The following SMIM10L3 variants were observed in gnomAD, a reference collection of about 807,000 sequenced individuals.
SMIM10L3 encodes the protein small integral membrane protein 10 like 3, also known as salivary gland specific protein SAGSIN1.
the SMIM10L3 span, among the ~76,000 whole-genome samples, chr7:6,343,691 C>G: frequency 6.6e-6 from 1 of 151,962 alleles, no homozygotes; most frequent in African/African-American, 2.4e-5. Context: ...CATAACCATT[C>G]TCAGTATACA....
the SMIM10L3 span, among the ~76,000 whole-genome samples, chr7:6,339,285 C>G: frequency 3.3e-5 from 5 of 151,946 alleles, no homozygotes; most frequent in Non-Finnish European, 7.4e-5. Flanking sequence ...CTGAGCAACA[C>G]AGCAAGACCC....
At chr7:6,338,889 G>A in the SMIM10L3 span, among the ~76,000 whole-genome samples, 3 of 152,194 alleles carry the variant, frequency 2.0e-5, no homozygotes, top group Non-Finnish European at 4.4e-5. Flanking sequence ...CAGCAGGGCC[G>A]CGGTGGGCCT....
chr7:6,330,025 A>G, the SMIM10L3 span: 1 of 257,836 alleles, frequency 3.9e-6, no homozygotes, highest in African/African-American at 2.3e-5. Context: ...AGACAAGTCA[A>G]AAGGACACAC....
the SMIM10L3 span, among the ~76,000 whole-genome samples, chr7:6,339,380 AT>A: frequency 6.6e-6 from 1 of 152,114 alleles, no homozygotes; most frequent in Non-Finnish European, 1.5e-5. Context: ...AGGTGGGAGG[AT>A]CGTTTGAGCC....
the SMIM10L3 span, chr7:6,331,044 G>A: frequency 6.2e-7 from 1 of 1,613,920 alleles, no homozygotes; most frequent in East Asian, 2.2e-5. Context: ...CAGGCCAAGG[G>A]CCCTCCGGCA....
chr7:6,331,299 C>T, the SMIM10L3 span: 3 of 730,122 alleles, frequency 4.1e-6, no homozygotes, highest in Admixed American at 2.9e-5. Context: ...AGCATCTACA[C>T]CCACCAAATA....
At chr7:6,348,249 G>C in the SMIM10L3 span, among the ~76,000 whole-genome samples, 2 of 147,690 alleles carry the variant, frequency 1.4e-5, no homozygotes, top group African/African-American at 2.5e-5. Flanking sequence ...GGGTTGCAAA[G>C]TTTGGGAACT....
At chr7:6,338,301 G>C in the SMIM10L3 span, among the ~76,000 whole-genome samples, 3 of 152,068 alleles carry the variant, frequency 2.0e-5, no homozygotes, top group African/African-American at 4.8e-5. Context: ...TATTGTACCA[G>C]ATAAAATATG....
the SMIM10L3 span, among the ~76,000 whole-genome samples, chr7:6,340,394 T>C: frequency 6.6e-6 from 1 of 152,122 alleles, no homozygotes; most frequent in Non-Finnish European, 1.5e-5. Context: ...AAGCGACCAC[T>C]GCATGTGTGT....
the SMIM10L3 span, among the ~76,000 whole-genome samples, chr7:6,338,929 A>G: frequency 2.6e-5 from 4 of 152,290 alleles, no homozygotes; most frequent in African/African-American, 9.6e-5. Context: ...AGGAGAGCTC[A>G]CACACGCTCC....
At chr7:6,339,804 C>T in the SMIM10L3 span, among the ~76,000 whole-genome samples, 1,167 of 152,020 alleles carry the variant, frequency 7.7e-3, 14 homozygotes, top group African/African-American at 0.027. Flanking sequence ...CTGTCTCCCC[C>T]TCCCGGTCCC....
At chr7:6,331,920 ATT>A in the SMIM10L3 span, among the ~76,000 whole-genome samples, 3 of 151,372 alleles carry the variant, frequency 2.0e-5, no homozygotes, top group Non-Finnish European at 2.9e-5. Flanking sequence ...CATTTTTTGT[ATT>A]TTTAGTAGAG....
the SMIM10L3 span, among the ~76,000 whole-genome samples, chr7:6,347,779 G>C: frequency 6.6e-6 from 1 of 151,840 alleles, no homozygotes; most frequent in East Asian, 1.9e-4. Context: ...ATGCAGGCCA[G>C]ATGTGGTGGC....
the SMIM10L3 span, among the ~76,000 whole-genome samples, chr7:6,348,233 G>GA: frequency 0.033 from 1,342 of 40,766 alleles, 10 homozygotes; most frequent in South Asian, 0.06. Flanking sequence ...TTAAAAATAA[G>GA]GGGGGGGGTT....
chr7:6,331,737 G>A, the SMIM10L3 span, among the ~76,000 whole-genome samples: 1 of 128,532 alleles, frequency 7.8e-6, no homozygotes, highest in Non-Finnish European at 1.5e-5. Context: ...AATAATAGAG[G>A]CTTTTTTTTT....
the SMIM10L3 span, among the ~76,000 whole-genome samples, chr7:6,345,436 G>A: frequency 6.6e-6 from 1 of 152,040 alleles, no homozygotes; most frequent in Non-Finnish European, 1.5e-5. Flanking sequence ...TTGTTTTTTA[G>A]AAGTTGCCTC....
At chr7:6,346,516 G>A in the SMIM10L3 span, among the ~76,000 whole-genome samples, 9 of 152,144 alleles carry the variant, frequency 5.9e-5, no homozygotes, top group South Asian at 2.1e-4. Flanking sequence ...ACAGGTGCAC[G>A]CCACCACTGC....
the SMIM10L3 span, among the ~76,000 whole-genome samples, chr7:6,334,130 GC>G: frequency 6.6e-6 from 1 of 151,490 alleles, no homozygotes; most frequent in South Asian, 2.1e-4. Flanking sequence ...ACAAGCGTGA[GC>G]CACCGCACCC....
At chr7:6,333,519 G>A in the SMIM10L3 span, among the ~76,000 whole-genome samples, 1 of 152,102 alleles carries the variant, frequency 6.6e-6, no homozygotes, top group African/African-American at 2.4e-5. Context: ...CTGTTTTTGA[G>A]ACGAGGTCTC....
Sources: allele counts gnomAD v4.1 joint callset (sites outside exome capture counted in the v4.1 genomes callset), GRCh38; gene constraint gnomAD v4.1.1; transcripts MANE v1.5; gene names NCBI Gene and HGNC (gene_info 2026-07-23, HGNC 2026-07-21).